SEZ6L: variants seen among roughly 807,000 people sequenced by gnomAD.
SEZ6L encodes seizure related 6 homolog like.
In SEZ6L, 37 loss-of-function variants were observed where a neutral mutation model predicts 106.2. The ratio of observed to expected loss-of-function variants is 0.35; its 90% CI spans 0.27 to 0.46. SEZ6L has a LOEUF of 0.46. SEZ6L is among the 20% of genes least tolerant of loss of function. The pLI is 1.00. For synonymous variants in SEZ6L, 541 were observed against 570.4 expected, an observed-to-expected ratio of 0.95 and a Z score of 0.73; for missense variants, 1,172 against 1,332.8, an observed-to-expected ratio of 0.88 and a Z score of 1.88.
chr22:26,324,587 G>A (rs879786029), intron 9 of SEZ6L, among the ~76,000 whole-genome samples: 3 of 152,202 alleles, frequency 2.0e-5, no homozygotes, highest in Non-Finnish European at 4.4e-5. Context: ...TGAGGACAAC[G>A]TTAGCCCTGG....
chr22:26,337,923 C>G (rs2082694964), intron 9 of SEZ6L, among the ~76,000 whole-genome samples: 2 of 152,168 alleles, frequency 1.3e-5, no homozygotes, highest in South Asian at 4.1e-4. Context: ...TCCCTGCCCT[C>G]CCAGAAGCAA....
intron 1 of SEZ6L, among the ~76,000 whole-genome samples, chr22:26,241,137 G>A (rs191476645): frequency 6.6e-6 from 1 of 152,330 alleles, no homozygotes; most frequent in Admixed American, 6.5e-5. Context: ...AGATGGTGAA[G>A]CTGAGACTCA....
chr22:26,192,481 G>A (rs2145658991), intron 1 of SEZ6L, among the ~76,000 whole-genome samples: 1 of 152,204 alleles, frequency 6.6e-6, no homozygotes, highest in South Asian at 2.1e-4. Flanking sequence ...GCATACTCAG[G>A]AATTCTTGTG....
chr22:26,245,942 T>C (rs963934668), intron 1 of SEZ6L, among the ~76,000 whole-genome samples: 15 of 152,236 alleles, frequency 9.9e-5, no homozygotes, highest in African/African-American at 3.6e-4. Context: ...ATGATTCCTG[T>C]AAATACTCCA....
intron 1 of SEZ6L, among the ~76,000 whole-genome samples, chr22:26,246,325 A>C (rs141175987): frequency 2.6e-5 from 4 of 152,218 alleles, no homozygotes; most frequent in African/African-American, 9.6e-5. Flanking sequence ...CGTATTACTA[A>C]CCCTAACCCT....
chr22:26,274,037 A>G (rs1277438170), intron 1 of SEZ6L, among the ~76,000 whole-genome samples: 2 of 152,106 alleles, frequency 1.3e-5, no homozygotes, highest in Non-Finnish European at 2.9e-5. Flanking sequence ...CCTTAGGATC[A>G]CCCATCCATA....
At chr22:26,346,512 T>A (rs969265052) in intron 10 of SEZ6L, among the ~76,000 whole-genome samples, 1 of 152,238 alleles carries the variant, frequency 6.6e-6, no homozygotes, top group Admixed American at 6.5e-5. Flanking sequence ...ACATTTATCA[T>A]CTTGCAGTTT....
chr22:26,297,991 G>A (rs947130810), intron 4 of SEZ6L, among the ~76,000 whole-genome samples: 3 of 151,974 alleles, frequency 2.0e-5, no homozygotes, highest in Non-Finnish European at 4.4e-5. Context: ...AAGTGGATTC[G>A]TGAACCATGC....
intron 1 of SEZ6L, among the ~76,000 whole-genome samples, chr22:26,268,168 C>G (rs2080249252): frequency 6.6e-6 from 1 of 152,208 alleles, no homozygotes; most frequent in Admixed American, 6.5e-5. Flanking sequence ...TAACGTGGAA[C>G]AAATCTGGCT....
At chr22:26,304,866 C>A (rs2081585242) in intron 5 of SEZ6L, among the ~76,000 whole-genome samples, 1 of 152,060 alleles carries the variant, frequency 6.6e-6, no homozygotes, top group Non-Finnish European at 1.5e-5. Flanking sequence ...TACAGTTATG[C>A]ATCACTTAAC....
chr22:26,382,105 C>G lies in SEZ6L; in HGVS notation c.*1810C>G. 1 of 511,632 alleles carries G rather than the reference C, an allele frequency of 2.0e-6. No homozygotes were observed. The highest frequency in any genetic ancestry group is 3.9e-6 in the Non-Finnish European group (1 of 255,790). The allele number at this position is 511,632 out of a possible 1,614,324, so 31.7% of individuals were successfully genotyped here. A position where few individuals can be genotyped will look rare whatever the true frequency, so the allele number is the denominator to read the frequency against. On this transcript the variant is annotated 3_prime_UTR_variant, in exon 17 of 17. Coordinates refer to ENST00000248933, the MANE Select transcript of SEZ6L (RefSeq NM_021115.5). ...GCCAGAAAAGAATCTTGCACATATA[C>G]TCCTGAAGGCATGAGTGTGTGGTCC...
At chr22:26,304,336 A>C (rs189386823) in intron 5 of SEZ6L, among the ~76,000 whole-genome samples, 2 of 147,018 alleles carry the variant, frequency 1.4e-5, no homozygotes, top group East Asian at 3.9e-4. Context: ...TGGGTGACAG[A>C]GCAAGAGTTT....
chr22:26,200,292 G>A (rs964433914), intron 1 of SEZ6L, among the ~76,000 whole-genome samples: 3 of 152,168 alleles, frequency 2.0e-5, no homozygotes, highest in African/African-American at 7.2e-5. Flanking sequence ...GTATGCATGT[G>A]CATGCCTGTG....
chr22:26,377,269 C>G (rs182912562), intron 15 of SEZ6L, among the ~76,000 whole-genome samples: 3 of 152,272 alleles, frequency 2.0e-5, no homozygotes, highest in Admixed American at 2.0e-4. Context: ...GAGCAAGACC[C>G]TGTCTCTAAA....
chr22:26,259,504 C>T lies in SEZ6L; in HGVS notation c.95-32902C>T, dbSNP rs142978487. Among the ~76,000 whole-genome samples the T allele has an allele frequency of 3.6e-4, 55 of 152,142 alleles. No individual in the cohort carries two copies. In the East Asian group the frequency reaches 5.8e-3, roughly 16 times the overall value. On this transcript the variant is annotated intron_variant, in intron 1 of 16. Transcript: ENST00000248933. The stretch of plus-strand genomic sequence containing the variant: ...AGCAAAAGCACAAATTCAACATGAT[C>T]GGTAAGAGGCAAAAACTGAGTACAA...
chr22:26,312,045 G>A lies in SEZ6L; in HGVS notation c.1876+83G>A, dbSNP rs1284425689. On this transcript the variant is annotated intron_variant, in intron 8 of 16. Transcript: ENST00000248933. ...GAGAAGACCAAGGCCCCAGCTTAGA[G>A]GCCTGTCCCCAGTTTTCATACCAAC... 3 of 1,353,320 alleles carry A rather than the reference G, an allele frequency of 2.2e-6. No individual in the cohort carries two copies. The African/African-American group carries it at 4.3e-5, about 20-fold the overall frequency. 83.8% of individuals were successfully genotyped at this position (1,353,320 alleles called of 1,614,324 possible).
At chr22:26,343,475 C>T (rs1428466102) in intron 10 of SEZ6L, among the ~76,000 whole-genome samples, 1 of 152,176 alleles carries the variant, frequency 6.6e-6, no homozygotes, top group Non-Finnish European at 1.5e-5. Flanking sequence ...TGACAACTTA[C>T]AGTTGGCAAG....
chr22:26,227,182 A>G (rs577150717), intron 1 of SEZ6L, among the ~76,000 whole-genome samples: 1 of 152,314 alleles, frequency 6.6e-6, no homozygotes, highest in Non-Finnish European at 1.5e-5. Flanking sequence ...TGGAGAGAGC[A>G]CGGTCTTTGG....
Position 26,293,112 on chromosome 22 carries a change from C to T in SEZ6L, c.801C>T (p.Ile267=). The T allele has an allele frequency of 6.3e-7, 1 of 1,591,342 alleles. No individual in the cohort carries two copies. The highest frequency in any genetic ancestry group is 8.5e-7 in the Non-Finnish European group (1 of 1,173,546). ...ESQETTTSTI[I]TTTVITTEQA... ...AGGAGACCACTACCTCCACCATTAT[C>T]ACCACCACGGTCATCACCACCGAGC... is the stretch of plus-strand genomic sequence containing the variant. The change falls in exon 2 of 17, where the codon ATC becomes ATT. Residue 267 remains isoleucine, a synonymous_variant. Transcript: ENST00000248933.
Sources: allele counts gnomAD v4.1 joint callset (sites outside exome capture counted in the v4.1 genomes callset), GRCh38; gene constraint gnomAD v4.1.1; transcripts MANE v1.5; gene names NCBI Gene and HGNC (gene_info 2026-07-23, HGNC 2026-07-21).